ZFPM2: variants seen among roughly 807,000 people sequenced by gnomAD.
The protein encoded by ZFPM2 is zinc finger protein, FOG family member 2, also known as zinc finger protein ZFPM2.
ZFPM2 carries 20 observed loss-of-function variants against 98.6 expected under a neutral mutation model. The observed-to-expected ratio is 0.20, with a 90% CI of 0.14 to 0.29. The LOEUF is 0.29. ZFPM2 is among the 10% of genes least tolerant of loss of function. The pLI is 1.00. For synonymous variants in ZFPM2, 518 were observed against 502.7 expected (o/e 1.03, Z -0.41); for missense variants, 1,310 against 1,388.6 (o/e 0.94, Z 0.90).
chr8:105,354,707 A>G (rs905830238), intron 1 of ZFPM2, among the ~76,000 whole-genome samples: 5 of 152,334 alleles, frequency 3.3e-5, no homozygotes, highest in African/African-American at 7.2e-5. Flanking sequence ...AGTTTTGAAC[A>G]TTGTATGTAG....
At chr8:105,572,984 C>T (rs1048296874) in intron 4 of ZFPM2, among the ~76,000 whole-genome samples, 2 of 152,110 alleles carry the variant, frequency 1.3e-5, no homozygotes, top group African/African-American at 4.8e-5. Flanking sequence ...ACTTTAGTTC[C>T]TTTTCTGATG....
chr8:105,321,281 G>A (rs901302998), intron 1 of ZFPM2, among the ~76,000 whole-genome samples: 25 of 151,922 alleles, frequency 1.6e-4, no homozygotes, highest in Non-Finnish European at 3.5e-4. Flanking sequence ...CGTTATTATT[G>A]TAGGTCTCTC....
At chr8:105,549,563 C>CCTTCG (rs1814799323) in intron 3 of ZFPM2, among the ~76,000 whole-genome samples, 1 of 132,188 alleles carries the variant, frequency 7.6e-6, no homozygotes, top group Non-Finnish European at 1.7e-5. Flanking sequence ...TCCTTCCTTT[C>CCTTCG]TTCCTTCCAT....
chr8:105,468,436 A>T (rs192337883), intron 3 of ZFPM2, among the ~76,000 whole-genome samples: 5 of 151,306 alleles, frequency 3.3e-5, no homozygotes, highest in African/African-American at 1.2e-4. Context: ...ATACCTAGAC[A>T]CTCCCTTCTC....
intron 1 of ZFPM2, among the ~76,000 whole-genome samples, chr8:105,369,218 C>A (rs1197079858): frequency 1.3e-5 from 2 of 152,080 alleles, no homozygotes; most frequent in African/African-American, 4.8e-5. Flanking sequence ...GATTAATAAT[C>A]CCTCTTTGTT....
At chr8:105,375,728 A>C (rs1378682566) in intron 1 of ZFPM2, among the ~76,000 whole-genome samples, 1 of 152,192 alleles carries the variant, frequency 6.6e-6, no homozygotes, top group African/African-American at 2.4e-5. Context: ...TAATGTAGAC[A>C]AAAGTACAAA....
chr8:105,670,295 G>A (rs773004719), intron 5 of ZFPM2, among the ~76,000 whole-genome samples: 4 of 151,926 alleles, frequency 2.6e-5, no homozygotes, highest in Non-Finnish European at 4.4e-5. Context: ...ACGAGATTGA[G>A]ACCATCCTGG....
At chr8:105,418,548 T>C (rs1811727862) in intron 1 of ZFPM2, 1 of 511,308 alleles carries the variant, frequency 2.0e-6, no homozygotes, top group Admixed American at 2.1e-5. Flanking sequence ...CCACTTTTCA[T>C]TTCAGAAAAA....
At chr8:105,376,694 C>G (rs1810730318) in intron 1 of ZFPM2, among the ~76,000 whole-genome samples, 1 of 152,126 alleles carries the variant, frequency 6.6e-6, no homozygotes, top group Non-Finnish European at 1.5e-5. Context: ...TTCTCATATC[C>G]AATCTATTAT....
At chr8:105,582,241 C>G (rs966743787) in intron 4 of ZFPM2, among the ~76,000 whole-genome samples, 2 of 152,150 alleles carry the variant, frequency 1.3e-5, no homozygotes, top group Non-Finnish European at 2.9e-5. Context: ...ATTTTTTAAA[C>G]TGGTTGAAGT....
At chr8:105,460,406 C>G (rs1442841422) in intron 3 of ZFPM2, among the ~76,000 whole-genome samples, 1 of 152,158 alleles carries the variant, frequency 6.6e-6, no homozygotes, top group African/African-American at 2.4e-5. Context: ...GGAGGCATCT[C>G]TTTTGCTCTG....
At chr8:105,339,798 G>A (rs1343834135) in intron 1 of ZFPM2, among the ~76,000 whole-genome samples, 4 of 151,770 alleles carry the variant, frequency 2.6e-5, no homozygotes, top group African/African-American at 9.7e-5. Context: ...TCTCTCTCTC[G>A]CTCTGCTTTA....
At chr8:105,533,639 T>G (rs1365967305) in intron 3 of ZFPM2, among the ~76,000 whole-genome samples, 1 of 148,234 alleles carries the variant, frequency 6.7e-6, no homozygotes, top group African/African-American at 2.5e-5. Flanking sequence ...TTAGGCCCTT[T>G]CCCTCCCTCC....
chr8:105,539,250 A>G (rs1814525545), intron 3 of ZFPM2, among the ~76,000 whole-genome samples: 1 of 152,168 alleles, frequency 6.6e-6, no homozygotes, highest in Non-Finnish European at 1.5e-5. Context: ...GTGGTAGATG[A>G]ATTACATTTT....
rs191074893 is a variant in ZFPM2 at position 105,426,180 on chromosome 8, T to C, written c.199+6878T>C. Among the ~76,000 whole-genome samples the C allele has an allele frequency of 3.4e-3, 518 of 152,334 alleles. 1 individual carries two copies. The highest frequency in any genetic ancestry group is 0.012 in the African/African-American group (481 of 41,580). On this transcript the variant is annotated intron_variant, in intron 2 of 7. Transcript: ENST00000407775. ...TTTACAGGCAACTTTTTTCCTTTTT[T>C]CTTAACGGGATTAAGAAGCTCAGCT... is the stretch of plus-strand genomic sequence containing the variant.
At chr8:105,496,397 G>A (rs1011921311) in intron 3 of ZFPM2, among the ~76,000 whole-genome samples, 8 of 152,030 alleles carry the variant, frequency 5.3e-5, no homozygotes, top group Non-Finnish European at 1.2e-4. Flanking sequence ...GACACTTTTG[G>A]AGAGTGGTAC....
intron 4 of ZFPM2, among the ~76,000 whole-genome samples, chr8:105,596,218 G>A (rs1467479262): frequency 1.3e-5 from 2 of 152,010 alleles, no homozygotes; most frequent in East Asian, 3.9e-4. Flanking sequence ...GTCTGGTCCA[G>A]TCAGGTTAAA....
At chr8:105,650,067 A>C (rs1200742412) in intron 5 of ZFPM2, among the ~76,000 whole-genome samples, 3 of 151,684 alleles carry the variant, frequency 2.0e-5, no homozygotes, top group Non-Finnish European at 4.4e-5. Context: ...GAGCCTGTCT[A>C]TTCAGGGATT....
intron 1 of ZFPM2, among the ~76,000 whole-genome samples, chr8:105,328,783 G>A (rs1249494513): frequency 5.3e-5 from 8 of 151,468 alleles, no homozygotes; most frequent in African/African-American, 1.9e-4. Flanking sequence ...TCTCATTTTG[G>A]TAGCCTTTCT....
Sources: gnomAD v4.1 joint callset for allele counts (sites outside exome capture counted in the v4.1 genomes callset) on GRCh38, gnomAD v4.1.1 for gene constraint, MANE v1.5 for transcripts, NCBI Gene and HGNC (gene_info 2026-07-23, HGNC 2026-07-21) for gene names.